Variants in GALNTL6 observed in about 807,000 individuals in gnomAD.
GALNTL6 encodes the protein polypeptide N-acetylgalactosaminyltransferase-like 6.
A neutral mutation model predicts 73.7 loss-of-function variants in GALNTL6; 46 were observed. The ratio of observed to expected loss-of-function variants is 0.62; its 90% CI spans 0.49 to 0.80. GALNTL6 has a LOEUF of 0.80. Among genes scored for constraint, GALNTL6 ranks in the 30% least tolerant of loss-of-function variants. The pLI is 0.00. For missense variants in GALNTL6, 604 were observed against 755.0 expected (o/e 0.80, Z 2.34); for synonymous variants, 259 against 263.7 (o/e 0.98, Z 0.17).
At chr4:171,967,010 A>G (rs1296679129) in intron 2 of GALNTL6, among the ~76,000 whole-genome samples, 1 of 152,234 alleles carries the variant, frequency 6.6e-6, no homozygotes, top group East Asian at 1.9e-4. Context: ...TAGACATAGG[A>G]ATACTTTGCA....
intron 7 of GALNTL6, among the ~76,000 whole-genome samples, chr4:172,872,468 C>T (rs1744996151): frequency 6.6e-6 from 1 of 152,108 alleles, no homozygotes; most frequent in South Asian, 2.1e-4. Context: ...AATCAGCATG[C>T]TTGAGTTTTA....
chr4:172,623,147 A>G (rs896492327), intron 5 of GALNTL6, among the ~76,000 whole-genome samples: 1 of 152,174 alleles, frequency 6.6e-6, no homozygotes, highest in African/African-American at 2.4e-5. Flanking sequence ...CTTTATTGTC[A>G]AAAATCAATG....
rs1005234048 is a variant in GALNTL6, at chr4:172,329,209, C to T, written c.386+17457C>T. The stretch of plus-strand genomic sequence containing the variant: ...CTGGAGACAGCAAAGGTGAGGGCTG[C>T]AAGACAGCAAAGATGGCAACCTGTT... On this transcript the variant is annotated intron_variant, in intron 4 of 12. Transcript: ENST00000506823. 4.6e-5 allele frequency among the ~76,000 whole-genome samples: 7 copies of T among 152,280 alleles called. No individual in the cohort carries two copies. In the East Asian group the frequency reaches 1.2e-3, roughly 25 times the overall value.
chr4:172,746,622 G>A (rs1228213890), intron 5 of GALNTL6, among the ~76,000 whole-genome samples: 1 of 151,732 alleles, frequency 6.6e-6, no homozygotes, highest in Admixed American at 6.6e-5. Context: ...GATTTTTAGT[G>A]GACATAATGT....
intron 3 of GALNTL6, among the ~76,000 whole-genome samples, chr4:172,299,476 A>G (rs1739822011): frequency 6.6e-6 from 1 of 151,962 alleles, no homozygotes; most frequent in Non-Finnish European, 1.5e-5. Context: ...TCAATTTTGG[A>G]TCTTTCCTGC....
intron 5 of GALNTL6, among the ~76,000 whole-genome samples, chr4:172,370,041 A>G (rs1204313822): frequency 1.3e-5 from 2 of 152,168 alleles, no homozygotes; most frequent in Admixed American, 1.3e-4. Flanking sequence ...GCCTCTAAAC[A>G]GGACACCCCA....
intron 10 of GALNTL6, among the ~76,000 whole-genome samples, chr4:172,981,641 A>T (rs887655271): frequency 2.6e-5 from 4 of 151,938 alleles, no homozygotes; most frequent in African/African-American, 9.7e-5. Flanking sequence ...GAACCTTTCG[A>T]CTTTGTTCTT....
intron 2 of GALNTL6, among the ~76,000 whole-genome samples, chr4:172,087,545 A>T (rs537994981): frequency 2.0e-5 from 3 of 152,130 alleles, no homozygotes; most frequent in Non-Finnish European, 4.4e-5. Flanking sequence ...TCCGTGTTCC[A>T]CAAACATTGC....
At chr4:172,653,698 A>T (rs776989059) in intron 5 of GALNTL6, among the ~76,000 whole-genome samples, 1 of 152,224 alleles carries the variant, frequency 6.6e-6, no homozygotes, top group Non-Finnish European at 1.5e-5. Context: ...ATCATTTAGG[A>T]CTTCATTTCA....
chr4:172,419,002 C>T (rs1352821919), intron 5 of GALNTL6, among the ~76,000 whole-genome samples: 1 of 152,048 alleles, frequency 6.6e-6, no homozygotes, highest in Non-Finnish European at 1.5e-5. Flanking sequence ...GGAAGTTTTA[C>T]TATGAAATCA....
At chr4:172,724,707 C>G (rs951606637) in intron 5 of GALNTL6, among the ~76,000 whole-genome samples, 4 of 152,008 alleles carry the variant, frequency 2.6e-5, no homozygotes, top group African/African-American at 9.7e-5. Flanking sequence ...AGTGGTTAGC[C>G]AAGTACTAAA....
chr4:172,576,347 C>A (rs892663878), intron 5 of GALNTL6, among the ~76,000 whole-genome samples: 2 of 152,080 alleles, frequency 1.3e-5, no homozygotes, highest in Admixed American at 1.3e-4. Context: ...GCTATGATAT[C>A]CTTCATCATA....
chr4:172,104,510 C>T (rs17058059), intron 2 of GALNTL6, among the ~76,000 whole-genome samples: 61,656 of 151,668 alleles, frequency 0.41, 13,075 homozygotes, highest in African/African-American at 0.5. Context: ...AATGGGGATT[C>T]GATTATAAAG....
intron 5 of GALNTL6, among the ~76,000 whole-genome samples, chr4:172,707,162 A>G (rs1003280990): frequency 6.6e-6 from 1 of 151,706 alleles, no homozygotes; most frequent in African/African-American, 2.4e-5. Context: ...TCTGCTCATG[A>G]TTTTTCATTT....
chr4:171,924,320 A>G (rs745803405), intron 2 of GALNTL6, among the ~76,000 whole-genome samples: 2 of 152,118 alleles, frequency 1.3e-5, no homozygotes, highest in Non-Finnish European at 2.9e-5. Context: ...GAGTAAGTGC[A>G]GTTTCACAGG....
chr4:172,258,573 A>G (rs1194806732), intron 3 of GALNTL6, among the ~76,000 whole-genome samples: 1 of 151,266 alleles, frequency 6.6e-6, no homozygotes, highest in Non-Finnish European at 1.5e-5. Context: ...GAGAATTATA[A>G]GTTATTTGAA....
chr4:172,503,526 G>GTCTATATATATATATA (rs1307566035), intron 5 of GALNTL6, among the ~76,000 whole-genome samples: 1 of 85,934 alleles, frequency 1.2e-5, no homozygotes. Context: ...ACATAGAGTA[G>GTCTATATATATATATA]TATATATATA....
At chr4:172,744,522 A>T (rs961567855) in intron 5 of GALNTL6, among the ~76,000 whole-genome samples, 5 of 152,156 alleles carry the variant, frequency 3.3e-5, no homozygotes, top group Non-Finnish European at 7.4e-5. Flanking sequence ...GTGATGACTC[A>T]AATCAGGGTT....
intron 2 of GALNTL6, among the ~76,000 whole-genome samples, chr4:172,140,125 A>G (rs963234464): frequency 1.3e-5 from 2 of 152,008 alleles, no homozygotes; most frequent in Non-Finnish European, 2.9e-5. Context: ...CAAACCTCAT[A>G]CCAATTTGTT....
Sources: allele counts gnomAD v4.1 joint callset (sites outside exome capture counted in the v4.1 genomes callset), GRCh38; gene constraint gnomAD v4.1.1; transcripts MANE v1.5; gene names NCBI Gene and HGNC (gene_info 2026-07-23, HGNC 2026-07-21).